MECOM: variants seen among roughly 807,000 people sequenced by gnomAD.
MECOM encodes histone-lysine N-methyltransferase MECOM.
Under a neutral mutation model 116.3 loss-of-function variants are expected in MECOM, and 13 were observed. The ratio of observed to expected loss-of-function variants is 0.11; its 90% CI spans 0.07 to 0.18. MECOM has a LOEUF of 0.18. Among genes scored for constraint, MECOM ranks in the 10% least tolerant of loss-of-function variants. The pLI, the probability that MECOM is intolerant of heterozygous loss-of-function variation, is 1.00. For missense variants in MECOM, 1,299 were observed against 1,509.0 expected (o/e 0.86, Z 2.31); for synonymous variants, 528 against 535.2 (o/e 0.99, Z 0.19).
intron 1 of MECOM, among the ~76,000 whole-genome samples, chr3:169,575,560 G>A (rs181122052): frequency 1.3e-5 from 2 of 152,306 alleles, no homozygotes; most frequent in South Asian, 2.1e-4. Context: ...CAGATGAGCC[G>A]TCCGGGGATG....
At position 169,232,364 on chromosome 3, in the gene MECOM, G is replaced by A. The variant is rs117392948; in HGVS notation, c.376-88532C>T. Among the ~76,000 whole-genome samples, 63 of 151,816 alleles carry A rather than the reference G, an allele frequency of 4.1e-4. No individual in the cohort carries two copies. In the East Asian group the frequency reaches 9.1e-3, roughly 22 times the overall value. On this transcript the variant is annotated intron_variant, in intron 2 of 16. Transcript: ENST00000651503. The stretch of plus-strand genomic sequence containing the variant: ...TACCTATTATTTGCTGTTCTTCCAA[G>A]CATGATATAAGCAAACCACAAAAAA...
At chr3:169,510,234 T>C (rs1331778865) in intron 1 of MECOM, among the ~76,000 whole-genome samples, 3 of 152,186 alleles carry the variant, frequency 2.0e-5, no homozygotes, top group African/African-American at 7.2e-5. Context: ...GTGATTGGGA[T>C]GTGAAGGGTC....
chr3:169,189,808 T>C (rs1747280594), intron 2 of MECOM, among the ~76,000 whole-genome samples: 1 of 152,108 alleles, frequency 6.6e-6, no homozygotes, highest in Non-Finnish European at 1.5e-5. Context: ...TCTCATTTAT[T>C]TACGAATAGG....
chr3:169,525,729 T>A (rs985264472), intron 1 of MECOM, among the ~76,000 whole-genome samples: 1 of 152,206 alleles, frequency 6.6e-6, no homozygotes, highest in African/African-American at 2.4e-5. Context: ...TGGCTCTTTG[T>A]AAAAGGTGGC....
chr3:169,215,451 C>T (rs548496445), intron 2 of MECOM, among the ~76,000 whole-genome samples: 1 of 152,174 alleles, frequency 6.6e-6, no homozygotes, highest in Admixed American at 6.5e-5. Context: ...TTGCCATATC[C>T]TATGTCCTTA....
intron 1 of MECOM, among the ~76,000 whole-genome samples, chr3:169,404,094 C>T (rs767658940): frequency 9.2e-5 from 14 of 152,110 alleles, no homozygotes; most frequent in Non-Finnish European, 1.9e-4. Context: ...GGCAGTCTGG[C>T]TCTGAGATCA....
intron 2 of MECOM, among the ~76,000 whole-genome samples, chr3:169,309,318 A>G (rs1365314675): frequency 2.0e-5 from 3 of 152,244 alleles, no homozygotes; most frequent in African/African-American, 7.2e-5. Context: ...TGAGTATGCA[A>G]ATGTATATTT....
rs143692964 is a variant in MECOM at position 169,203,189 on chromosome 3, C to T, written c.376-59357G>A. On this transcript the variant is annotated intron_variant, in intron 2 of 16. Coordinates refer to ENST00000651503, the MANE Select transcript of MECOM (RefSeq NM_004991.4). ...GTGGTTTACACTGCCCACTTCACCT[C>T]GACAGGAAGCAACATGGAGATGAAT... 2.9e-3 allele frequency among the ~76,000 whole-genome samples: 441 copies of T among 152,228 alleles called. 6 individuals carry two copies. Among genetic ancestry groups the T allele is most frequent in the African/African-American group, 0.01 (421 of 41,550 alleles).
chr3:169,129,604 A>T (rs919505965), intron 4 of MECOM, among the ~76,000 whole-genome samples: 1 of 152,082 alleles, frequency 6.6e-6, no homozygotes, highest in African/African-American at 2.4e-5. Context: ...CAGGATTCTC[A>T]ATGACATTAG....
At chr3:169,271,504 T>C (rs1171673653) in intron 2 of MECOM, among the ~76,000 whole-genome samples, 1 of 152,182 alleles carries the variant, frequency 6.6e-6, no homozygotes, top group Non-Finnish European at 1.5e-5. Flanking sequence ...AAGTTTATAA[T>C]TTTTTAAAGT....
At chr3:169,384,933 T>C (rs1426067120) in intron 1 of MECOM, among the ~76,000 whole-genome samples, 2 of 151,766 alleles carry the variant, frequency 1.3e-5, no homozygotes, top group Admixed American at 1.3e-4. Context: ...CGAAACCCCA[T>C]CTCTACTAAA....
chr3:169,335,696 TG>T (rs1166345632), intron 2 of MECOM, among the ~76,000 whole-genome samples: 2 of 152,154 alleles, frequency 1.3e-5, no homozygotes, highest in Non-Finnish European at 2.9e-5. Flanking sequence ...TGTTATAATA[TG>T]TATTCATTAT....
chr3:169,104,671 C>T (rs144396925), intron 10 of MECOM, among the ~76,000 whole-genome samples: 173 of 152,294 alleles, frequency 1.1e-3, no homozygotes, highest in Non-Finnish European at 1.3e-3. Context: ...CATAGAAACA[C>T]GTTTCCTTTT....
chr3:169,222,316 A>G (rs962024456), intron 2 of MECOM, among the ~76,000 whole-genome samples: 1 of 152,242 alleles, frequency 6.6e-6, no homozygotes, highest in African/African-American at 2.4e-5. Context: ...AAAGGTAGCT[A>G]TGGTTTCGAA....
intron 1 of MECOM, among the ~76,000 whole-genome samples, chr3:169,448,211 T>C (rs984208743): frequency 6.6e-6 from 1 of 152,196 alleles, no homozygotes; most frequent in Non-Finnish European, 1.5e-5. Flanking sequence ...TGATCTAATA[T>C]ACTGAGCAAC....
chr3:169,506,079 G>A (rs1755187478), intron 1 of MECOM, among the ~76,000 whole-genome samples: 1 of 152,198 alleles, frequency 6.6e-6, no homozygotes. Flanking sequence ...GAAGAGCACA[G>A]TAATTACTAG....
intron 2 of MECOM, among the ~76,000 whole-genome samples, chr3:169,314,679 G>A (rs998166731): frequency 3.3e-5 from 5 of 151,988 alleles, no homozygotes; most frequent in Non-Finnish European, 7.4e-5. Flanking sequence ...ATAAAACAGA[G>A]ACAGAAGGGG....
At chr3:169,379,809 T>C (rs1395600473) in intron 2 of MECOM, among the ~76,000 whole-genome samples, 1 of 152,164 alleles carries the variant, frequency 6.6e-6, no homozygotes, top group East Asian at 1.9e-4. Flanking sequence ...TATTTTAAGG[T>C]GAACAATAAT....
At position 169,112,835 on chromosome 3, in the gene MECOM, T is replaced by C. The variant is rs758739298; in HGVS notation, c.2529A>G (p.Leu843=). ...GAGAAGGCCTCAAGTATTTCTCTTT[T>C]AAAGCTTCAAGTGGGTCAGTTAGTT... is the stretch of plus-strand genomic sequence containing the variant. ...KRKLTDPLEA[L]KEKYLRPSPG... is the part of the protein sequence containing the mutation. Residue 843 remains leucine, a synonymous_variant, in exon 9 of 17, where the codon TTA becomes TTG. Coordinates refer to ENST00000651503, the MANE Select transcript of MECOM (RefSeq NM_004991.4). 4 of 1,613,168 alleles carry C rather than the reference T, an allele frequency of 2.5e-6. No individual in the cohort carries two copies. In the East Asian group the frequency reaches 8.9e-5, roughly 36 times the overall value.
Sources: allele counts gnomAD v4.1 joint callset (sites outside exome capture counted in the v4.1 genomes callset), GRCh38; gene constraint gnomAD v4.1.1; transcripts MANE v1.5; gene names NCBI Gene and HGNC (gene_info 2026-07-23, HGNC 2026-07-21).